Variants in ANK3 observed in about 807,000 individuals in gnomAD.
ANK3 encodes the protein ankyrin-3.
Under a neutral mutation model 370.9 loss-of-function variants are expected in ANK3, and 57 were observed. That is an observed-to-expected ratio of 0.15 (90% confidence interval 0.12 to 0.19). ANK3 has a LOEUF of 0.19. Among genes scored for constraint, ANK3 ranks in the 10% least tolerant of loss-of-function variants. ANK3 has a pLI of 1.00. For missense variants in ANK3, 4,439 were observed against 5,302.1 expected, an observed-to-expected ratio of 0.84 and a Z score of 5.06; for synonymous variants, 1,929 against 1,946.3, an observed-to-expected ratio of 0.99 and a Z score of 0.23.
intron 1 of ANK3, among the ~76,000 whole-genome samples, chr10:60,308,840 GGTTTATC>G (rs1333691829): frequency 6.6e-6 from 1 of 152,058 alleles, no homozygotes; most frequent in Non-Finnish European, 1.5e-5. Flanking sequence ...CAGGAGGCCT[GGTTTATC>G]CCTAATAGAA....
chr10:60,315,901 A>G (rs2132867952), intron 1 of ANK3, among the ~76,000 whole-genome samples: 1 of 152,278 alleles, frequency 6.6e-6, no homozygotes, highest in Admixed American at 6.5e-5. Flanking sequence ...ATAAGGTGAT[A>G]ATTCAGTGTA....
At chr10:60,423,732 T>C (rs1382556184) in intron 2 of ANK3, among the ~76,000 whole-genome samples, 5 of 152,000 alleles carry the variant, frequency 3.3e-5, no homozygotes, top group Admixed American at 2.0e-4. Flanking sequence ...TCATGAACAA[T>C]TAAGTCAGCC....
intron 7 of ANK3, among the ~76,000 whole-genome samples, chr10:60,247,561 T>C (rs1301965624): frequency 6.6e-6 from 1 of 152,160 alleles, no homozygotes; most frequent in African/African-American, 2.4e-5. Flanking sequence ...CCTACTTTTG[T>C]CTCCGAATCT....
chr10:60,655,855 G>A (rs370695838), intron 1 of ANK3, among the ~76,000 whole-genome samples: 3 of 152,068 alleles, frequency 2.0e-5, no homozygotes, highest in Non-Finnish European at 2.9e-5. Flanking sequence ...ATATTTTACC[G>A]TATCTTTTCT....
chr10:60,078,335 T>C (rs769743085), intron 36 of ANK3, among the ~76,000 whole-genome samples: 7 of 152,216 alleles, frequency 4.6e-5, no homozygotes, highest in Non-Finnish European at 1.0e-4. Context: ...AACTCGCCTA[T>C]TCATTACCCC....
intron 2 of ANK3, among the ~76,000 whole-genome samples, chr10:60,476,934 A>C (rs1348732920): frequency 6.6e-6 from 1 of 152,180 alleles, no homozygotes; most frequent in African/African-American, 2.4e-5. Flanking sequence ...CTAAATTAAC[A>C]TGCAAAACTG....
chr10:60,042,471 TG>T (rs2076267625), intron 43 of ANK3, among the ~76,000 whole-genome samples, 200 bp downstream of exon 43: 2 of 152,242 alleles, frequency 1.3e-5, no homozygotes, highest in Non-Finnish European at 2.9e-5. Context: ...AGAAAGTTAA[TG>T]GACTGTGAAA....
intron 2 of ANK3, among the ~76,000 whole-genome samples, chr10:60,458,748 T>C (rs190107243): frequency 2.6e-5 from 4 of 152,278 alleles, no homozygotes; most frequent in Admixed American, 2.0e-4. Flanking sequence ...AAGAAAGTTA[T>C]TAACATCAGC....
intron 28 of ANK3, among the ~76,000 whole-genome samples, chr10:60,088,929 C>T (rs1398427519): frequency 6.6e-6 from 1 of 152,010 alleles, no homozygotes; most frequent in African/African-American, 2.4e-5. Flanking sequence ...TGGATAAATT[C>T]CCAGTTTTCA....
chr10:60,338,819 A>T (rs1294308323), intron 1 of ANK3, among the ~76,000 whole-genome samples: 1 of 152,212 alleles, frequency 6.6e-6, no homozygotes, highest in Non-Finnish European at 1.5e-5. Flanking sequence ...CATCTGTGGG[A>T]GTTTAATCCT....
chr10:60,117,546 C>T (rs2093182412), intron 25 of ANK3, among the ~76,000 whole-genome samples: 2 of 152,110 alleles, frequency 1.3e-5, no homozygotes, highest in Non-Finnish European at 2.9e-5. Context: ...AGGTCAGGCA[C>T]GGTGGCTCAT....
intron 8 of ANK3, among the ~76,000 whole-genome samples, chr10:60,234,033 C>T (rs2097291161): frequency 6.6e-6 from 1 of 152,202 alleles, no homozygotes. Context: ...TTCACCTCAG[C>T]ATAATGTCCT....
At position 60,074,127 on chromosome 10, in the gene ANK3, T is replaced by C; in HGVS notation, c.6754A>G (p.Met2252Val). 1 of 1,613,968 alleles carries C rather than the reference T, an allele frequency of 6.2e-7. No individual in the cohort carries two copies. The highest frequency in any genetic ancestry group is 8.5e-7 in the Non-Finnish European group (1 of 1,179,948). The change falls in exon 37 of 44, where the codon ATG (methionine) becomes GTG (valine). Residue 2252 changes from methionine to valine, a missense_variant. Met to Val is a conservative substitution (Grantham distance 21). Around this residue, in one of 13 missense-constraint regions of ANK3, gnomAD observed 1,601 missense variants for 1,731.7 expected, o/e 0.92. Transcript: ENST00000280772. ...EETHITTTTRMVYHSPPGGEG... is the reference protein window; with the variant it reads ...EETHITTTTRVVYHSPPGGEG... ...CCGCCTGGTGGAGAATGATAAACCA[T>C]TCTGGTGGTTGTGGTTATGTGAGTC...
chr10:60,205,775 A>T lies in ANK3; in HGVS notation c.1293+17T>A. The T allele has an allele frequency of 2.5e-6, 4 of 1,591,450 alleles. No individual in the cohort carries two copies. Among genetic ancestry groups the T allele is most frequent in the Non-Finnish European group, 3.5e-6 (4 of 1,159,408 alleles). On this transcript the variant is annotated intron_variant, in intron 11 of 43. Coordinates refer to ENST00000280772, the MANE Select transcript of ANK3 (RefSeq NM_020987.5). Reference sequence around the variant, plus strand: ...TCTCAGTATCTCAGGACTCCCAGAAATCTTAACTCTTCTCACCTCGGTTAC... The same window carrying T: ...TCTCAGTATCTCAGGACTCCCAGAATTCTTAACTCTTCTCACCTCGGTTAC...
chr10:60,192,677 T>C (rs901299117), intron 16 of ANK3, among the ~76,000 whole-genome samples: 10 of 151,978 alleles, frequency 6.6e-5, no homozygotes, highest in South Asian at 2.1e-4. Flanking sequence ...ATAATAGACA[T>C]TGGAGACTTG....
chr10:60,150,078 C>G (rs1279531093), intron 23 of ANK3, among the ~76,000 whole-genome samples: 1 of 152,164 alleles, frequency 6.6e-6, no homozygotes, highest in Non-Finnish European at 1.5e-5. Context: ...CTCTAGCACC[C>G]ACTCCTCAGG....
chr10:60,061,569 G>A (rs956400607), intron 40 of ANK3, among the ~76,000 whole-genome samples: 5 of 152,036 alleles, frequency 3.3e-5, no homozygotes, highest in African/African-American at 1.2e-4. Context: ...AGTGCAAAAA[G>A]CATGTGGTTA....
intron 2 of ANK3, among the ~76,000 whole-genome samples, chr10:60,446,645 T>C (rs915419934): frequency 3.9e-5 from 6 of 152,212 alleles, no homozygotes; most frequent in Non-Finnish European, 8.8e-5. Context: ...AGATAACATG[T>C]ACAGGCTCTG....
rs1260844204 is a variant in ANK3, at chr10:60,106,044, T to C, written c.3189A>G (p.Glu1063=). ...GAQFLGPVIV[E]IPHFGSMRGK... ...CTCTCATGGACCCAAAGTGAGGGATTTCCACTATGACAGGGCTGGAAAAAA... is the reference window on the plus strand; with the variant it reads ...CTCTCATGGACCCAAAGTGAGGGATCTCCACTATGACAGGGCTGGAAAAAA... The change falls in exon 28 of 44, where the codon GAA becomes GAG. Residue 1063 remains glutamate (E), a synonymous_variant. Transcript: ENST00000280772. The C allele has an allele frequency of 1.2e-6, 2 of 1,608,452 alleles. No homozygotes were observed. Among genetic ancestry groups the C allele is most frequent in the Non-Finnish European group, 1.7e-6 (2 of 1,178,120 alleles).
Sources: gnomAD v4.1 joint callset for allele counts (sites outside exome capture counted in the v4.1 genomes callset) on GRCh38, gnomAD v4.1.1 for gene constraint, gnomAD v4.1.1 regional missense constraint, MANE v1.5 for transcripts, NCBI Gene and HGNC (gene_info 2026-07-23, HGNC 2026-07-21) for gene names.